Variants in BACE1 observed in about 807,000 individuals in gnomAD.
BACE1 encodes the protein APP beta-secretase.
In BACE1, 21 loss-of-function variants were observed where a neutral mutation model predicts 54.0. The ratio of observed to expected loss-of-function variants is 0.39; its 90% CI spans 0.28 to 0.56. The LOEUF (loss-of-function observed/expected upper bound fraction) is 0.56. Among genes scored for constraint, BACE1 ranks in the 20% least tolerant of loss-of-function variants. The pLI is 0.63. For synonymous variants in BACE1, 232 were observed against 260.9 expected (o/e 0.89, Z 1.07); for missense variants, 511 against 661.2 (o/e 0.77, Z 2.49).
chr11:117,289,519 C>T lies in BACE1; in HGVS notation c.*47G>A, dbSNP rs757066405. 9.4e-6 allele frequency: 15 copies of T among 1,599,026 alleles called. No homozygotes were observed. The highest frequency in any genetic ancestry group is 2.3e-5 in the South Asian group (2 of 88,638). On this transcript the variant is annotated 3_prime_UTR_variant, in exon 9 of 9. Coordinates refer to ENST00000313005, the MANE Select transcript of BACE1 (RefSeq NM_012104.6). ...TCCTACTTGTGACCAAAGTGAACCA[C>T]GGAGGTGTGGTCCAGGGGAATCTCT...
At position 117,290,675 on chromosome 11, in the gene BACE1, C is replaced by A; in HGVS notation, c.1093-16G>T. 1 of 1,612,750 alleles carries A rather than the reference C, an allele frequency of 6.2e-7. No homozygotes were observed. Among genetic ancestry groups the A allele is most frequent in the South Asian group, 1.1e-5 (1 of 90,966 alleles). On this transcript the variant is annotated splice_polypyrimidine_tract_variant and intron_variant, in intron 7 of 8. Transcript: ENST00000313005. ...GCAGGTATTGCTAGGGGTAAGCAAT[C>A]ACAGGGTGAGTGTCTTCCTCACTCT...
intron 5 of BACE1, 67 bp downstream of exon 5, chr11:117,292,987 C>G: frequency 3.2e-6 from 5 of 1,566,456 alleles, no homozygotes; most frequent in Non-Finnish European, 8.7e-7. Flanking sequence ...ACATGATAAC[C>G]AGAGTCTTCC....
At position 117,287,292 on chromosome 11, in the gene BACE1, C is replaced by G. The variant is rs1352509134; in HGVS notation, c.*2274G>C. The G allele has an allele frequency of 6.6e-6, 1 of 152,566 alleles. No homozygotes were observed. The highest frequency in any genetic ancestry group is 1.9e-4 in the East Asian group (1 of 5,196). 9.5% of individuals were successfully genotyped at this position (152,566 alleles called of 1,614,324 possible). A position where few individuals can be genotyped will look rare whatever the true frequency, so the allele number is the denominator to read the frequency against. ...CCCCTGTTCTCCCTTCTCCCTCTGTCCACTGGCCTGCAATGATAAAAGACA... is the reference window on the plus strand; with the variant it reads ...CCCCTGTTCTCCCTTCTCCCTCTGTGCACTGGCCTGCAATGATAAAAGACA... On this transcript the variant is annotated 3_prime_UTR_variant, in exon 9 of 9. Coordinates refer to ENST00000313005, the MANE Select transcript of BACE1 (RefSeq NM_012104.6).
chr11:117,293,676 G>T lies in BACE1; in HGVS notation c.705+195C>A. The T allele has an allele frequency of 2.0e-6, 1 of 491,548 alleles. No homozygotes were observed. The allele number at this position is 491,548 out of a possible 1,614,324, so 30.4% of individuals were successfully genotyped here. ...GCCTTCCTTTCCAAGTTTACCATAG[G>T]TGCCTTGATTCCTTTCTGGAATAAC... On this transcript the variant is annotated intron_variant, in intron 4 of 8. Coordinates refer to ENST00000313005, the MANE Select transcript of BACE1 (RefSeq NM_012104.6). The surrounding 1 kb of genome is among the most constrained non-coding windows in gnomAD (Gnocchi z 4.1).
In BACE1 at chr11:117,287,225, T is replaced by C. The variant is rs1011503229; in HGVS notation, c.*2341A>G. The C allele has an allele frequency of 2.6e-5, 4 of 152,284 alleles. No homozygotes were observed. Among genetic ancestry groups the C allele is most frequent in the South Asian group, 2.1e-4 (1 of 4,820 alleles). The allele number at this position is 152,284 out of a possible 1,614,324, so 9.4% of individuals were successfully genotyped here. ...GAGCGAGCGCCTCAGTGTTACTCTT[T>C]CTTGTTCAGGATCAGTCAGAAAGCA... On this transcript the variant is annotated 3_prime_UTR_variant, in exon 9 of 9. Coordinates refer to ENST00000313005, the MANE Select transcript of BACE1 (RefSeq NM_012104.6).
At chr11:117,295,675 A>G in intron 2 of BACE1, 2 of 1,517,492 alleles carry the variant, frequency 1.3e-6, no homozygotes, top group African/African-American at 1.4e-5. Context: ...GCTAGTGGGC[A>G]TCTCTTCCGC....
chr11:117,315,159 A>G lies in BACE1; in HGVS notation c.261+376T>C, dbSNP rs2035064451. On this transcript the variant is annotated intron_variant, in intron 1 of 8. Coordinates refer to ENST00000313005, the MANE Select transcript of BACE1 (RefSeq NM_012104.6). This position sits in a 1 kb window ranked among gnomAD's most constrained non-coding sequence, Gnocchi z 5.5. ...ACAAGGTTGGGTGGCCAACCTCTAG[A>G]GTGGTGGGATTTGGGAGACTCGGAC... is the stretch of plus-strand genomic sequence containing the variant. Among the ~76,000 whole-genome samples, 1 of 152,130 alleles carries G rather than the reference A, an allele frequency of 6.6e-6. No individual in the cohort carries two copies. The highest frequency in any genetic ancestry group is 2.1e-4 in the South Asian group (1 of 4,820).
intron 1 of BACE1, among the ~76,000 whole-genome samples, chr11:117,305,233 T>G (rs75017009): frequency 6.6e-6 from 1 of 152,132 alleles, no homozygotes; most frequent in African/African-American, 2.4e-5. Flanking sequence ...CTGCTTTTCC[T>G]AAGTGATTTC....
chr11:117,313,510 C>T (rs1446006132), intron 1 of BACE1, among the ~76,000 whole-genome samples: 1 of 152,206 alleles, frequency 6.6e-6, no homozygotes, highest in Non-Finnish European at 1.5e-5. Flanking sequence ...TCTTGTCTCA[C>T]TGCAACCTCC....
intron 1 of BACE1, among the ~76,000 whole-genome samples, chr11:117,306,505 T>C (rs2034835540): frequency 6.6e-6 from 1 of 151,972 alleles, no homozygotes; most frequent in Non-Finnish European, 1.5e-5. Context: ...TCCACAGGCC[T>C]TGGAAAAGAG....
chr11:117,301,767 T>A (rs1439638340), intron 1 of BACE1, among the ~76,000 whole-genome samples: 1 of 152,194 alleles, frequency 6.6e-6, no homozygotes, highest in Non-Finnish European at 1.5e-5. Flanking sequence ...CACCTTCCTC[T>A]TCTTCACCTC....
Position 117,290,495 on chromosome 11 carries a change from A to T in BACE1, c.1257T>A (p.Ala419=), listed in dbSNP as rs940712849. The stretch of plus-strand genomic sequence containing the variant: ...CAGCCCTGGCACTCTCACCATGGCA[A>T]GCGCTGACAGCAAAGCCAATTCGTT... The part of the protein sequence containing the change: ...ARKRIGFAVS[A]CHVHDEFRTA... The change falls in exon 8 of 9, where the codon GCT becomes GCA. Residue 419 remains alanine (A), a synonymous_variant. Transcript: ENST00000313005. 4.3e-6 allele frequency: 7 copies of T among 1,614,002 alleles called. No individual in the cohort carries two copies. The East Asian group carries it at 1.3e-4, about 31-fold the overall frequency.
intron 2 of BACE1, 180 bp from the exon 3 acceptor site, chr11:117,295,527 C>T (rs1663549658): frequency 2.6e-6 from 4 of 1,535,772 alleles, no homozygotes; most frequent in Non-Finnish European, 3.5e-6. Flanking sequence ...AGTGGGCTTG[C>T]AGATAGATGA....
chr11:117,301,767 T>C (rs1439638340), intron 1 of BACE1, among the ~76,000 whole-genome samples: 2 of 152,194 alleles, frequency 1.3e-5, no homozygotes, highest in Non-Finnish European at 2.9e-5. Context: ...CACCTTCCTC[T>C]TCTTCACCTC....
intron 7 of BACE1, 39 bp downstream of exon 7, chr11:117,290,861 C>A: frequency 1.2e-6 from 2 of 1,605,346 alleles, no homozygotes; most frequent in South Asian, 1.1e-5. Flanking sequence ...CCAGTGTGTA[C>A]TTTTAAGAGA....
rs761000827 is a variant in BACE1 at position 117,293,885 on chromosome 11, C to T, written c.691G>A (p.Val231Ile). ...GACCTACTCACCATGCTCCCTCCGA[C>T]AGAGGCCAGCACTTCAGACTGGTTG... ...PLNQSEVLASVGGSMIIGGID... is the reference protein window; with the variant it reads ...PLNQSEVLASIGGSMIIGGID... The change falls in exon 4 of 9, where the codon GTC (valine) becomes ATC (isoleucine). Residue 231 changes from valine (V) to isoleucine (I), a missense_variant. By Grantham distance (29) the Val-to-Ile change is conservative (BLOSUM62 3). Around this residue, in one of 2 missense-constraint regions of BACE1, gnomAD observed 407 missense variants for 565.7 expected, o/e 0.72. Transcript: ENST00000313005. The surrounding 1 kb of genome is among the most constrained non-coding windows in gnomAD (Gnocchi z 4.1). 8 of 1,613,320 alleles carry T rather than the reference C, an allele frequency of 5.0e-6. No homozygotes were observed. In the South Asian group the frequency reaches 8.8e-5, roughly 18 times the overall value.
At position 117,315,522 on chromosome 11, in the gene BACE1, C is replaced by T. The variant is rs777365705; in HGVS notation, c.261+13G>A. The T allele has an allele frequency of 9.5e-6, 15 of 1,578,082 alleles. No homozygotes were observed. Among genetic ancestry groups the T allele is most frequent in the Non-Finnish European group, 1.3e-5 (15 of 1,165,042 alleles). ...TGCAGGCGGAGGGCTAAGGGCTGGC[C>T]TGACCACCTTACCGTCTGCGGGGGG... On this transcript the variant is annotated intron_variant, in intron 1 of 8. Transcript: ENST00000313005. This position sits in a 1 kb window ranked among gnomAD's most constrained non-coding sequence, Gnocchi z 5.5.
In BACE1 at chr11:117,291,797, C is replaced by G. The variant is rs1305976598; in HGVS notation, c.857G>C (p.Ser286Thr). The G allele has an allele frequency of 1.2e-6, 2 of 1,612,084 alleles. No homozygotes were observed. The highest frequency in any genetic ancestry group is 3.3e-5 in the Admixed American group (2 of 59,962). Residue 286 changes from serine to threonine, a missense_variant, in exon 6 of 9, where the codon AGC becomes ACC. By Grantham distance (58) the Ser-to-Thr change is moderately conservative (BLOSUM62 1). This residue lies in a region of BACE1 where 407 missense variants were observed against 565.7 expected (regional missense o/e 0.72). Transcript: ENST00000313005. ...GTTGGTGGTGCCACTGTCCACAATG[C>G]TCTTGTCATAGTTGTACTAAGAGGG... is the stretch of plus-strand genomic sequence containing the variant. ...MDCKEYNYDK[S>T]IVDSGTTNLR...
chr11:117,296,340 A>G (rs1375492884), intron 2 of BACE1, among the ~76,000 whole-genome samples: 1 of 151,626 alleles, frequency 6.6e-6, no homozygotes, highest in Non-Finnish European at 1.5e-5. Context: ...CATGGAGGAG[A>G]TATTTCAGCT....
Sources: allele counts gnomAD v4.1 joint callset (sites outside exome capture counted in the v4.1 genomes callset), GRCh38; gene constraint gnomAD v4.1.1; regional missense constraint gnomAD v4.1.1; non-coding constraint Gnocchi (gnomAD v3.1); transcripts MANE v1.5; gene names NCBI Gene and HGNC (gene_info 2026-07-23, HGNC 2026-07-21).